UNC5D: variants seen among roughly 807,000 people sequenced by gnomAD.
UNC5D encodes the protein netrin receptor UNC5D.
UNC5D carries 39 observed loss-of-function variants against 105.4 expected under a neutral mutation model. That is an observed-to-expected ratio of 0.37 (90% CI 0.29 to 0.48). The LOEUF (loss-of-function observed/expected upper bound fraction) is 0.48, where lower values mean the gene tolerates loss of function less well. UNC5D is among the 20% of genes least tolerant of loss of function. The pLI is 0.98. For synonymous variants in UNC5D, 452 were observed against 450.4 expected (o/e 1.00, Z -0.04); for missense variants, 991 against 1,202.4 (o/e 0.82, Z 2.60).
intron 4 of UNC5D, among the ~76,000 whole-genome samples, chr8:35,635,733 A>G (rs112309421): frequency 6.6e-6 from 1 of 152,286 alleles, no homozygotes; most frequent in African/African-American, 2.4e-5. Context: ...GGCTAACAAT[A>G]AAAGACACAT....
At chr8:35,341,230 C>G (rs540788034) in intron 1 of UNC5D, among the ~76,000 whole-genome samples, 1 of 152,054 alleles carries the variant, frequency 6.6e-6, no homozygotes. Context: ...TATAAATCCT[C>G]GAAACTAATT....
intron 7 of UNC5D, among the ~76,000 whole-genome samples, chr8:35,690,377 C>G (rs1378641664): frequency 6.6e-6 from 1 of 152,076 alleles, no homozygotes; most frequent in African/African-American, 2.4e-5. Flanking sequence ...ACCTGTAATC[C>G]CAACACTTTG....
At chr8:35,782,104 G>C (rs1223245950) in intron 16 of UNC5D, among the ~76,000 whole-genome samples, 1 of 152,158 alleles carries the variant, frequency 6.6e-6, no homozygotes, top group South Asian at 2.1e-4. Context: ...CTCATCTCTT[G>C]CTTAGTCTTT....
At chr8:35,771,223 T>G (rs1801997283) in intron 15 of UNC5D, among the ~76,000 whole-genome samples, 1 of 152,230 alleles carries the variant, frequency 6.6e-6, no homozygotes, top group Non-Finnish European at 1.5e-5. Context: ...GAAGATATCA[T>G]GCATCAAGGT....
chr8:35,594,343 A>C (rs1254877954), intron 3 of UNC5D, among the ~76,000 whole-genome samples: 1 of 152,220 alleles, frequency 6.6e-6, no homozygotes, highest in African/African-American at 2.4e-5. Context: ...AGGCAAGTTT[A>C]ATGTATTTAT....
chr8:35,744,396 T>G (rs1357121693), intron 11 of UNC5D, among the ~76,000 whole-genome samples: 1 of 152,248 alleles, frequency 6.6e-6, no homozygotes, highest in African/African-American at 2.4e-5. Context: ...TATTACTGTT[T>G]AAACTTTCAC....
At chr8:35,731,713 A>G (rs1418285783) in intron 11 of UNC5D, among the ~76,000 whole-genome samples, 1 of 152,164 alleles carries the variant, frequency 6.6e-6, no homozygotes, top group Non-Finnish European at 1.5e-5. Context: ...CTCCAAAGAA[A>G]ATATCCCCGG....
chr8:35,623,373 C>T lies in UNC5D; in HGVS notation c.570+27716C>T, dbSNP rs147853571. Among the ~76,000 whole-genome samples the T allele has an allele frequency of 5.9e-3, 892 of 152,242 alleles. 4 individuals carry two copies. Among genetic ancestry groups the T allele is most frequent in the African/African-American group, 0.021 (860 of 41,532 alleles). On this transcript the variant is annotated intron_variant, in intron 4 of 16. Transcript: ENST00000404895. ...GAAAATGTGCTATGAACACCCGCGG[C>T]GTACATTTTATTTTATTTTTATTAT...
At chr8:35,590,848 G>A (rs948222412) in intron 3 of UNC5D, among the ~76,000 whole-genome samples, 2 of 152,086 alleles carry the variant, frequency 1.3e-5, no homozygotes, top group African/African-American at 4.8e-5. Flanking sequence ...TTCCTCACCG[G>A]TGACCACTCC....
chr8:35,548,952 C>G (rs1317423732), intron 1 of UNC5D, among the ~76,000 whole-genome samples: 1 of 152,162 alleles, frequency 6.6e-6, no homozygotes, highest in African/African-American at 2.4e-5. Flanking sequence ...GTCATTAGCC[C>G]TTTAAGGTAA....
intron 1 of UNC5D, among the ~76,000 whole-genome samples, chr8:35,448,573 C>CTGGG (rs1807945161): frequency 6.6e-6 from 1 of 152,086 alleles, no homozygotes; most frequent in African/African-American, 2.4e-5. Context: ...ACCTCCCCAG[C>CTGGG]AGAGGTGGGG....
rs944319057 is a variant in UNC5D, at chr8:35,413,967, G to A, written c.104-135325G>A. 6.6e-5 allele frequency among the ~76,000 whole-genome samples: 10 copies of A among 152,144 alleles called. 1 individual carries two copies. The highest frequency in any genetic ancestry group is 1.7e-4 in the African/African-American group (7 of 41,522). On this transcript the variant is annotated intron_variant, in intron 1 of 16. Coordinates refer to ENST00000404895, the MANE Select transcript of UNC5D (RefSeq NM_080872.4). ...TCTTGAGGGCTTTTAAAAAAGACTT[G>A]TTCTAGGGCCATTAAAGCTGACCTC...
rs868437291 is a variant in UNC5D, at chr8:35,657,078, G to A, written c.571-26469G>A. ...TGTGTGTGTGTGTGTGTGTGTGTGT[G>A]TGTATATATATATATATATATATAT... On this transcript the variant is annotated intron_variant, in intron 4 of 16. Coordinates refer to ENST00000404895, the MANE Select transcript of UNC5D (RefSeq NM_080872.4). 2.5e-3 allele frequency among the ~76,000 whole-genome samples: 197 copies of A among 80,332 alleles called. 2 individuals are homozygous for A. Among genetic ancestry groups the A allele is most frequent in the African/African-American group, 6.6e-3 (112 of 17,020 alleles). 52.7% of individuals were successfully genotyped at this position (80,332 alleles called of 152,430 possible).
intron 1 of UNC5D, among the ~76,000 whole-genome samples, chr8:35,386,010 A>G (rs373380707): frequency 1.3e-5 from 2 of 152,214 alleles, no homozygotes; most frequent in African/African-American, 4.8e-5. Flanking sequence ...CTTAATCTAC[A>G]TCTCAGGTGT....
chr8:35,296,687 C>G (rs1485508411), intron 1 of UNC5D, among the ~76,000 whole-genome samples: 2 of 152,178 alleles, frequency 1.3e-5, no homozygotes, highest in Non-Finnish European at 2.9e-5. Context: ...TCCCAAAGTG[C>G]TGGGATTGCA....
intron 16 of UNC5D, among the ~76,000 whole-genome samples, chr8:35,787,476 C>T (rs549234766): frequency 8.5e-5 from 13 of 152,320 alleles, no homozygotes; most frequent in African/African-American, 2.9e-4. Flanking sequence ...ATTTGCCTCT[C>T]TCCCAGCTGT....
intron 1 of UNC5D, among the ~76,000 whole-genome samples, chr8:35,266,858 G>A (rs1278569962): frequency 6.6e-6 from 1 of 152,126 alleles, no homozygotes; most frequent in Non-Finnish European, 1.5e-5. Flanking sequence ...CATGGCAGCT[G>A]GGAGGAAGCA....
At chr8:35,640,521 A>T (rs895074789) in intron 4 of UNC5D, among the ~76,000 whole-genome samples, 1 of 152,282 alleles carries the variant, frequency 6.6e-6, no homozygotes, top group Admixed American at 6.5e-5. Flanking sequence ...GGATGATATA[A>T]AGCTGTCTGG....
At position 35,794,747 on chromosome 8, in the gene UNC5D, T is replaced by C. The variant is rs1267738315; in HGVS notation, c.*4184T>C. The C allele has an allele frequency of 6.6e-6, 1 of 152,554 alleles. No homozygotes were observed. The highest frequency in any genetic ancestry group is 1.5e-5 in the Non-Finnish European group (1 of 68,032). 9.5% of individuals were successfully genotyped at this position (152,554 alleles called of 1,614,324 possible). Reference sequence around the variant, plus strand: ...AAGCTGTTTGGCTGTATTGACAGCATGTGGTGTTTTTACAAAAGCAATTCT... The same window carrying C: ...AAGCTGTTTGGCTGTATTGACAGCACGTGGTGTTTTTACAAAAGCAATTCT... On this transcript the variant is annotated 3_prime_UTR_variant, in exon 17 of 17. Coordinates refer to ENST00000404895, the MANE Select transcript of UNC5D (RefSeq NM_080872.4).
Sources: gnomAD v4.1 joint callset for allele counts (sites outside exome capture counted in the v4.1 genomes callset) on GRCh38, gnomAD v4.1.1 for gene constraint, MANE v1.5 for transcripts, NCBI Gene and HGNC (gene_info 2026-07-23, HGNC 2026-07-21) for gene names.